The following FAM13C variants were observed in gnomAD, a reference collection of about 807,000 sequenced individuals.
FAM13C encodes the protein protein FAM13C.
FAM13C carries 37 observed loss-of-function variants against 73.2 expected under a neutral mutation model. The observed-to-expected ratio is 0.51, with a 90% confidence interval of 0.39 to 0.67. FAM13C has a LOEUF of 0.67. FAM13C is among the 30% of genes least tolerant of loss of function. The pLI is 0.00. For missense variants in FAM13C, 589 were observed against 715.6 expected (o/e 0.82, Z 2.02); for synonymous variants, 246 against 260.9 (o/e 0.94, Z 0.55).
chr10:59,291,750 T>A (rs1318788947), intron 5 of FAM13C, among the ~76,000 whole-genome samples: 1 of 151,728 alleles, frequency 6.6e-6, no homozygotes, highest in Admixed American at 6.6e-5. Flanking sequence ...AAGAACAAGA[T>A]GTTTGGGAGA....
At position 59,268,515 on chromosome 10, in the gene FAM13C, G is replaced by T; in HGVS notation, c.942+38C>A. The T allele has an allele frequency of 1.9e-6, 3 of 1,609,542 alleles. No homozygotes were observed. The South Asian group carries it at 3.3e-5, about 18-fold the overall frequency. On this transcript the variant is annotated intron_variant, in intron 8 of 13. Transcript: ENST00000618804. ...GGCTGAGGAGAATCCAGACACCTCT[G>T]ACCAATCCGCTCCTATGTCAAACCC...
chr10:59,284,768 A>G (rs1214480909), intron 5 of FAM13C, among the ~76,000 whole-genome samples: 4 of 149,632 alleles, frequency 2.7e-5, no homozygotes, highest in African/African-American at 7.4e-5. Context: ...TACCCCACAC[A>G]TACCTCATAC....
At chr10:59,290,123 A>C (rs2133764110) in intron 5 of FAM13C, among the ~76,000 whole-genome samples, 1 of 152,350 alleles carries the variant, frequency 6.6e-6, no homozygotes, top group South Asian at 2.1e-4. Flanking sequence ...ATAATGGAGA[A>C]TATGCTACTT....
At chr10:59,328,233 G>A (rs968739498) in intron 3 of FAM13C, among the ~76,000 whole-genome samples, 6 of 152,218 alleles carry the variant, frequency 3.9e-5, no homozygotes, top group African/African-American at 1.4e-4. Context: ...TCCAGGTACA[G>A]AGGCTAGGAG....
chr10:59,301,803 A>T (rs2133857193), intron 5 of FAM13C, among the ~76,000 whole-genome samples: 1 of 152,304 alleles, frequency 6.6e-6, no homozygotes, highest in East Asian at 1.9e-4. Context: ...AAAAATAACA[A>T]TTCTGTGTTC....
At chr10:59,256,965 A>AT (rs1325508072) in intron 10 of FAM13C, among the ~76,000 whole-genome samples, 2 of 151,786 alleles carry the variant, frequency 1.3e-5, no homozygotes, top group Non-Finnish European at 2.9e-5. Context: ...AGATATACCT[A>AT]TTTTTTCATT....
rs565798698 is a variant in FAM13C at position 59,265,632 on chromosome 10, A to G, written c.943-1466T>C. Among the ~76,000 whole-genome samples, 46 of 152,268 alleles carry G rather than the reference A, an allele frequency of 3.0e-4. 1 individual carries two copies. In the South Asian group the frequency reaches 8.7e-3, roughly 29 times the overall value. On this transcript the variant is annotated intron_variant, in intron 8 of 13. Transcript: ENST00000618804. ...AAATATGGTAAAAACAAACACACAC[A>G]CACACAAAATCCTAAGGCCTTAAGC...
Position 59,352,401 on chromosome 10 carries a change from G to A in FAM13C, c.193C>T (p.Pro65Ser), listed in dbSNP as rs143861434. ...GTCGCCTCTACATTCTGCTGCTGCG[G>A]CTCCCAAGAGGGCGGCGCGTGCTCT... ...VEEHAPPSWE[P>S]QQQNVEATVL... Residue 65 changes from proline (P) to serine (S), a missense_variant, in exon 3 of 14, where the codon CCG becomes TCG. Transcript: ENST00000618804. 2,322 of 1,613,982 alleles carry A rather than the reference G, an allele frequency of 1.4e-3. 4 individuals carry two copies. Among genetic ancestry groups the A allele is most frequent in the Non-Finnish European group, 1.8e-3 (2,137 of 1,180,024 alleles).
chr10:59,359,818 C>T (rs182101432), intron 1 of FAM13C, among the ~76,000 whole-genome samples: 1 of 152,256 alleles, frequency 6.6e-6, no homozygotes, highest in African/African-American at 2.4e-5. Flanking sequence ...CTCCAGTCCC[C>T]TTCCCCAGTT....
chr10:59,360,853 GAAAAAAAAAAAAAA>G (rs10615623), intron 1 of FAM13C, among the ~76,000 whole-genome samples: 11,687 of 58,342 alleles, frequency 0.2, 712 homozygotes, highest in African/African-American at 0.27. Context: ...AACCTCTACA[GAAAAAAAAAAAAAA>G]AAAAAAAAAA....
rs16913458 is a variant in FAM13C, at chr10:59,345,346, A to C, written c.324+6924T>G. On this transcript the variant is annotated intron_variant, in intron 3 of 13. Transcript: ENST00000618804. ...AATTCTCCATTGGTTAACTTAAAAG[A>C]CTCAAATAAATTACATTGTTTTGAA... 3.1e-3 allele frequency among the ~76,000 whole-genome samples: 470 copies of C among 152,190 alleles called. 3 individuals are homozygous for C. Among genetic ancestry groups the C allele is most frequent in the African/African-American group, 9.3e-3 (387 of 41,492 alleles).
intron 3 of FAM13C, among the ~76,000 whole-genome samples, chr10:59,346,897 A>G (rs1854364505): frequency 6.6e-6 from 1 of 152,192 alleles, no homozygotes; most frequent in African/African-American, 2.4e-5. Context: ...ACATAAGGGC[A>G]AACTGTCACT....
chr10:59,312,268 G>A (rs954610465), intron 4 of FAM13C, among the ~76,000 whole-genome samples: 2 of 152,134 alleles, frequency 1.3e-5, no homozygotes, highest in East Asian at 1.9e-4. Context: ...TGGAACACAA[G>A]AATATTTTTC....
intron 4 of FAM13C, among the ~76,000 whole-genome samples, chr10:59,316,378 G>A (rs946592927): frequency 1.3e-5 from 2 of 152,140 alleles, no homozygotes; most frequent in African/African-American, 4.8e-5. Flanking sequence ...GTTTACTACA[G>A]CAATAAATAC....
intron 1 of FAM13C, among the ~76,000 whole-genome samples, chr10:59,357,090 G>C (rs994161024): frequency 1.3e-5 from 2 of 152,106 alleles, no homozygotes; most frequent in Non-Finnish European, 2.9e-5. Flanking sequence ...TTGAGGTTTT[G>C]GGACTCAAAC....
intron 6 of FAM13C, among the ~76,000 whole-genome samples, chr10:59,276,063 C>T (rs1406000420): frequency 1.3e-5 from 2 of 152,042 alleles, no homozygotes; most frequent in Non-Finnish European, 2.9e-5. Flanking sequence ...ACTTTTCTGG[C>T]CAAGTTATGT....
chr10:59,329,342 G>GTTTTTTTTTTTTTTTTTTTTTTTTTT (rs71006247), intron 3 of FAM13C, among the ~76,000 whole-genome samples: 1 of 77,300 alleles, frequency 1.3e-5, no homozygotes, highest in Non-Finnish European at 2.5e-5. Flanking sequence ...TTTCTTTCTG[G>GTTTTTTTTTTTTTTTTTTTTTTTTTT]TTTTTTTTTT....
At chr10:59,257,917 T>C (rs1475322489) in intron 10 of FAM13C, among the ~76,000 whole-genome samples, 1 of 152,216 alleles carries the variant, frequency 6.6e-6, no homozygotes, top group Non-Finnish European at 1.5e-5. Context: ...TGAGGATCAC[T>C]TTTATTACAT....
Position 59,270,057 on chromosome 10 carries a change from T to C in FAM13C, c.645A>G (p.Glu215=). Residue 215 remains glutamate (E), a synonymous_variant, in exon 7 of 14, where the codon GAA becomes GAG. Coordinates refer to ENST00000618804, the MANE Select transcript of FAM13C (RefSeq NM_198215.4). ...DGQNEADSAP[E]DLHSVGTSRL... ...TGCTGGTCCCCACAGAGTGGAGGTCTTCTGGTGCACTGTCGGCCTCATTCT... is the reference window on the plus strand; with the variant it reads ...TGCTGGTCCCCACAGAGTGGAGGTCCTCTGGTGCACTGTCGGCCTCATTCT... 6.2e-7 allele frequency: 1 copy of C among 1,613,778 alleles called. No individual in the cohort carries two copies. Among genetic ancestry groups the C allele is most frequent in the Non-Finnish European group, 8.5e-7 (1 of 1,179,822 alleles).
Sources: allele counts gnomAD v4.1 joint callset (sites outside exome capture counted in the v4.1 genomes callset), GRCh38; gene constraint gnomAD v4.1.1; transcripts MANE v1.5; gene names NCBI Gene and HGNC (gene_info 2026-07-23, HGNC 2026-07-21).